CHM: variants seen among roughly 807,000 people sequenced by gnomAD.
CHM encodes CHM Rab escort protein.
CHM carries 10 observed loss-of-function variants against 49.0 expected under a neutral mutation model. The observed-to-expected ratio is 0.20, with a 90% CI of 0.13 to 0.35. The LOEUF is 0.35. CHM is among the 10% of genes least tolerant of loss of function. The pLI is 1.00. For synonymous variants in CHM, 184 were observed against 167.5 expected (o/e 1.10, Z -0.76); for missense variants, 455 against 478.4 (o/e 0.95, Z 0.46).
intron 14 of CHM, among the ~76,000 whole-genome samples, chrX:85,870,188 T>C (rs1432032534): frequency 1.8e-5 from 2 of 111,849 alleles, no homozygotes; most frequent in African/African-American, 6.5e-5. Context: ...CAAATACTTA[T>C]CTCATAAGAT....
intron 8 of CHM, among the ~76,000 whole-genome samples, chrX:85,952,154 T>A (rs1929783692): frequency 9.0e-6 from 1 of 111,331 alleles, no homozygotes; most frequent in Admixed American, 9.5e-5. Context: ...GGACTGTAAT[T>A]CCCAGGCAAG....
chrX:86,046,269 G>T (rs1180550203), intron 1 of CHM, among the ~76,000 whole-genome samples: 1 of 111,893 alleles, frequency 8.9e-6, no homozygotes, highest in Non-Finnish European at 1.9e-5. Context: ...GTTTTCCTGG[G>T]ATGGAATGGG....
At chrX:85,951,808 C>T (rs1929761951) in intron 8 of CHM, among the ~76,000 whole-genome samples, 1 of 112,575 alleles carries the variant, frequency 8.9e-6, no homozygotes, top group Non-Finnish European at 1.9e-5. Flanking sequence ...CTTCCTATCA[C>T]TGAAGGAGGC....
chrX:85,961,577 C>G (rs1018817645), intron 5 of CHM, among the ~76,000 whole-genome samples: 1 of 108,006 alleles, frequency 9.3e-6, no homozygotes, highest in Non-Finnish European at 1.9e-5. Context: ...GAATACATTG[C>G]TTTCCATCTA....
rs1284378299 is a variant in CHM at position 85,981,206 on chromosome X, C to CTATATATATATATATATATATATATA, written c.189+530_189+531insTATATATATATATATATATATATATA. Reference sequence around the variant, plus strand: ...TACTCTTCAACCAACATTTCTATTTCTATATATATATATAGACACACATAT... The same window carrying CTATATATATATATATATATATATATA: ...TACTCTTCAACCAACATTTCTATTTCTATATATATATATATATATATATATATATATATATATATAGACACACATAT... On this transcript the variant is annotated intron_variant, in intron 3 of 14. Coordinates refer to ENST00000357749, the MANE Select transcript of CHM (RefSeq NM_000390.4). Among the ~76,000 whole-genome samples, 314 of 54,167 alleles carry CTATATATATATATATATATATATATA rather than the reference C, an allele frequency of 5.8e-3. 5 individuals carry two copies. The highest frequency in any genetic ancestry group is 0.018 in the African/African-American group (301 of 16,503). 47.0% of individuals were successfully genotyped at this position (54,167 alleles called of 115,157 possible).
chrX:85,971,113 T>A, intron 4 of CHM: 1 of 676,348 alleles, frequency 1.5e-6, no homozygotes, highest in Non-Finnish European at 1.8e-6. Flanking sequence ...CCTATATATT[T>A]ATATTAGAAT....
chrX:85,968,921 TGTAGA>T (rs1473733820), intron 4 of CHM, among the ~76,000 whole-genome samples: 1 of 112,174 alleles, frequency 8.9e-6, no homozygotes, highest in Non-Finnish European at 1.9e-5. Context: ...CACACTTAAC[TGTAGA>T]CAGTGATGAG....
At chrX:85,977,380 T>C (rs899362202) in intron 4 of CHM, among the ~76,000 whole-genome samples, 1 of 112,595 alleles carries the variant, frequency 8.9e-6, no homozygotes, top group African/African-American at 3.2e-5. Flanking sequence ...AACAACCATT[T>C]AGTTTCTCAC....
chrX:85,983,618 A>G (rs1931749278), intron 2 of CHM, among the ~76,000 whole-genome samples: 1 of 111,970 alleles, frequency 8.9e-6, no homozygotes, highest in Non-Finnish European at 1.9e-5. Flanking sequence ...TTGTTGAGAT[A>G]TTTAGATTTA....
intron 5 of CHM, among the ~76,000 whole-genome samples, chrX:85,961,418 CAAAAAA>C (rs1204463688): frequency 4.1e-5 from 1 of 24,360 alleles, no homozygotes; most frequent in Non-Finnish European, 7.9e-5. Flanking sequence ...GACTCTGTCT[CAAAAAA>C]AAAAAAAAAA....
intron 8 of CHM, among the ~76,000 whole-genome samples, chrX:85,934,127 C>T (rs1928613270): frequency 9.2e-6 from 1 of 109,066 alleles, no homozygotes; most frequent in Non-Finnish European, 1.9e-5. Context: ...ACTACAAAGG[C>T]CTGCCACTAC....
chrX:85,917,449 A>C (rs192875205), intron 8 of CHM, among the ~76,000 whole-genome samples: 1 of 111,614 alleles, frequency 9.0e-6, no homozygotes, highest in East Asian at 2.8e-4. Flanking sequence ...CTTAAAATCA[A>C]AGTTTTTTAA....
chrX:85,909,791 T>C (rs763013116), intron 9 of CHM, among the ~76,000 whole-genome samples: 16 of 112,189 alleles, frequency 1.4e-4, no homozygotes, highest in African/African-American at 3.9e-4. Context: ...CACATGGGAC[T>C]GAAATGGGAC....
chrX:85,996,817 G>A (rs986223400), intron 2 of CHM, among the ~76,000 whole-genome samples: 121 of 111,782 alleles, frequency 1.1e-3, no homozygotes, highest in African/African-American at 3.8e-3. Flanking sequence ...GATTCACTGA[G>A]CCAGATGAAG....
At chrX:85,999,452 A>G (rs1932596661) in intron 2 of CHM, among the ~76,000 whole-genome samples, 1 of 111,569 alleles carries the variant, frequency 9.0e-6, no homozygotes. Flanking sequence ...AGTATATAAC[A>G]GAACATGAAG....
intron 1 of CHM, among the ~76,000 whole-genome samples, chrX:86,039,986 C>A (rs1934399458): frequency 8.9e-6 from 1 of 111,983 alleles, no homozygotes; most frequent in Non-Finnish European, 1.9e-5. Context: ...CATTTACCAT[C>A]CTTCAATTCA....
intron 4 of CHM, among the ~76,000 whole-genome samples, chrX:85,976,246 A>G (rs1343776864): frequency 9.0e-6 from 1 of 111,414 alleles, no homozygotes. Context: ...CCACTTACCC[A>G]TACACTAAAT....
At chrX:85,986,738 C>T (rs1232638632) in intron 2 of CHM, among the ~76,000 whole-genome samples, 1 of 111,973 alleles carries the variant, frequency 8.9e-6, no homozygotes, top group Non-Finnish European at 1.9e-5. Context: ...AATGCACGAA[C>T]TCGGGTAACT....
rs1452326903 is a variant in CHM, at chrX:85,956,164, C to T, written c.1155G>A (p.Gln385=). 13 of 1,209,289 alleles carry T rather than the reference C, an allele frequency of 1.1e-5. No individual in the cohort carries two copies. Among genetic ancestry groups the T allele is most frequent in the Middle Eastern group, 2.3e-4 (1 of 4,350 alleles). The part of the protein sequence containing the change: ...FPLYGQGELP[Q]CFCRMCAVFG... ...AATGGCAAACTTACCTGCAGAAACACTGGGGGAGTTCTCCTTGGCCATATA... is the reference window on the plus strand; with the variant it reads ...AATGGCAAACTTACCTGCAGAAACATTGGGGGAGTTCTCCTTGGCCATATA... Residue 385 remains glutamine (Q), a synonymous_variant, in exon 8 of 15, where the codon CAG becomes CAA. Transcript: ENST00000357749.
Sources: allele counts gnomAD v4.1 joint callset (sites outside exome capture counted in the v4.1 genomes callset), GRCh38; gene constraint gnomAD v4.1.1; transcripts MANE v1.5; gene names NCBI Gene and HGNC (gene_info 2026-07-23, HGNC 2026-07-21).